ABCC3: variants seen among roughly 807,000 people sequenced by gnomAD.
ABCC3 encodes ATP-binding cassette sub-family C member 3.
Under a neutral mutation model 165.3 loss-of-function variants are expected in ABCC3, and 121 were observed. That is an observed-to-expected ratio of 0.73 (90% confidence interval 0.63 to 0.85). The LOEUF is 0.85. Among genes scored for constraint, ABCC3 ranks in the 40% least tolerant of loss-of-function variants. ABCC3 has a pLI of 0.00. For synonymous variants in ABCC3, 733 were observed against 810.1 expected (o/e 0.90, Z 1.62); for missense variants, 1,869 against 1,964.1 (o/e 0.95, Z 0.92).
intron 19 of ABCC3, among the ~76,000 whole-genome samples, chr17:50,673,983 T>TTCCTTCCTTCCTTCCTTC (rs1967728136): frequency 2.0e-4 from 1 of 4,954 alleles, no homozygotes; most frequent in African/African-American, 1.2e-3. Flanking sequence ...TTTCTTTCTC[T>TTCCTTCCTTCCTTCCTTC]CTCTCTCTCT....
At chr17:50,636,986 C>T (rs1353176107) in intron 1 of ABCC3, among the ~76,000 whole-genome samples, 1 of 152,212 alleles carries the variant, frequency 6.6e-6, no homozygotes, top group Non-Finnish European at 1.5e-5. Flanking sequence ...TACAGGGTTG[C>T]CATTGCCTGG....
intron 30 of ABCC3, among the ~76,000 whole-genome samples, chr17:50,690,496 C>A (rs1310933950): frequency 6.6e-6 from 1 of 152,166 alleles, no homozygotes; most frequent in Non-Finnish European, 1.5e-5. Context: ...CCCCTCCTGC[C>A]GTACCCTGGT....
intron 26 of ABCC3, among the ~76,000 whole-genome samples, chr17:50,682,345 T>TAA (rs35507460): frequency 1.1e-3 from 150 of 131,564 alleles, no homozygotes; most frequent in East Asian, 9.7e-3. Flanking sequence ...CCAAGAGATT[T>TAA]AAAAAAAAAA....
intron 8 of ABCC3, chr17:50,662,265 TGGA>T (rs1238228571): frequency 6.6e-6 from 1 of 150,780 alleles, no homozygotes; most frequent in Non-Finnish European, 1.5e-5. Flanking sequence ...CCTGGGTAAC[TGGA>T]GGACGATGGA....
intron 1 of ABCC3, among the ~76,000 whole-genome samples, chr17:50,640,196 A>C (rs2054215240): frequency 1.3e-5 from 2 of 152,200 alleles, no homozygotes; most frequent in African/African-American, 4.8e-5. Flanking sequence ...GTGATATGAG[A>C]ATGGGCTGCA....
intron 1 of ABCC3, among the ~76,000 whole-genome samples, chr17:50,641,918 A>G (rs558051104): frequency 1.3e-5 from 2 of 152,052 alleles, no homozygotes; most frequent in East Asian, 3.9e-4. Context: ...GTGGTGGCAC[A>G]TGCCTGTAGT....
chr17:50,635,889 A>C, intron 1 of ABCC3: 1 of 303,426 alleles, frequency 3.3e-6, no homozygotes, highest in East Asian at 5.9e-5. Flanking sequence ...TCTCTAAAAA[A>C]ATAAATAAAT....
chr17:50,671,968 C>CACCTCG (rs1225719093), intron 17 of ABCC3, among the ~76,000 whole-genome samples: 2 of 151,928 alleles, frequency 1.3e-5, no homozygotes, highest in Non-Finnish European at 2.9e-5. Flanking sequence ...ATGATCCACC[C>CACCTCG]ACCTCGACCT....
At chr17:50,656,862 G>T (rs747818190) in intron 3 of ABCC3, 35 bp downstream of exon 3, 1 of 1,584,056 alleles carries the variant, frequency 6.3e-7, no homozygotes, top group Non-Finnish European at 8.6e-7. Flanking sequence ...GGATGGGGGA[G>T]GTCTCCATTG....
intron 1 of ABCC3, among the ~76,000 whole-genome samples, chr17:50,642,177 C>T (rs1966905019): frequency 6.6e-6 from 1 of 152,202 alleles, no homozygotes; most frequent in Non-Finnish European, 1.5e-5. Flanking sequence ...ACTGCCATCC[C>T]CGGGCCAGGC....
chr17:50,666,674 A>T (rs1967533021), intron 11 of ABCC3, among the ~76,000 whole-genome samples: 1 of 152,212 alleles, frequency 6.6e-6, no homozygotes, highest in Admixed American at 6.5e-5. Context: ...CAGCTGTATC[A>T]TGGCAGGGGC....
intron 11 of ABCC3, among the ~76,000 whole-genome samples, chr17:50,666,683 G>A (rs182056702): frequency 5.3e-5 from 8 of 152,330 alleles, no homozygotes; most frequent in African/African-American, 1.7e-4. Context: ...CATGGCAGGG[G>A]CCTTGTCTGA....
Position 50,678,154 on chromosome 17 carries a change from G to A in ABCC3, c.3640G>A (p.Ala1214Thr), listed in dbSNP as rs1277013024. 6.4e-7 allele frequency: 1 copy of A among 1,556,590 alleles called. No individual in the cohort carries two copies. Among genetic ancestry groups the A allele is most frequent in the Non-Finnish European group, 8.7e-7 (1 of 1,151,398 alleles). The change falls in exon 25 of 31, where the codon GCC (alanine) becomes ACC (threonine). Residue 1214 changes from alanine (A) to threonine (T), a missense_variant. Ala to Thr is a moderately conservative substitution (Grantham distance 58, BLOSUM62 0). Coordinates refer to ENST00000285238, the MANE Select transcript of ABCC3 (RefSeq NM_003786.4). ...CGTGGTGCTCTTTGCTGCACTATTTGCCGTCATCGGGAGGAGCAGCCTGAA... is the reference window on the plus strand; with the variant it reads ...CGTGGTGCTCTTTGCTGCACTATTTACCGTCATCGGGAGGAGCAGCCTGAA... ...NCVVLFAALFAVIGRSSLNPG... is the reference protein window; with the variant it reads ...NCVVLFAALFTVIGRSSLNPG...
At chr17:50,644,647 G>C (rs1941415813) in intron 1 of ABCC3, among the ~76,000 whole-genome samples, 1 of 152,166 alleles carries the variant, frequency 6.6e-6, no homozygotes, top group Admixed American at 6.5e-5. Context: ...TGGAGGCACA[G>C]GTTGCAGAGA....
In ABCC3 at chr17:50,634,913, TC is replaced by T; in HGVS notation, c.-22del. ...CCGCTGGGTCCGACCGCGCTCGCCT[TC>T]CTTGCAGCCGCGCCTCGGCCCCATG... On this transcript the variant is annotated 5_prime_UTR_variant, in exon 1 of 31. Transcript: ENST00000285238. 8.0e-7 allele frequency: 1 copy of T among 1,253,638 alleles called. No homozygotes were observed. The highest frequency in any genetic ancestry group is 3.2e-5 in the South Asian group (1 of 30,776). 77.7% of individuals were successfully genotyped at this position (1,253,638 alleles called of 1,614,324 possible).
In ABCC3 at chr17:50,643,115, G is replaced by A. The variant is rs1270520392; in HGVS notation, c.45+8134G>A. Among the ~76,000 whole-genome samples, 7 of 152,254 alleles carry A rather than the reference G, an allele frequency of 4.6e-5. 1 individual carries two copies. The East Asian group carries it at 1.3e-3, about 29-fold the overall frequency. Reference sequence around the variant, plus strand: ...TGGCTGCCAGGGAAAAGCAAGGAAAGGTCAGAGGCTGGGGTGCCCCAGAGA... The same window carrying A: ...TGGCTGCCAGGGAAAAGCAAGGAAAAGTCAGAGGCTGGGGTGCCCCAGAGA... On this transcript the variant is annotated intron_variant, in intron 1 of 30. Coordinates refer to ENST00000285238, the MANE Select transcript of ABCC3 (RefSeq NM_003786.4).
At chr17:50,670,587 A>G (rs1363333454) in intron 17 of ABCC3, among the ~76,000 whole-genome samples, 1 of 152,250 alleles carries the variant, frequency 6.6e-6, no homozygotes, top group Non-Finnish European at 1.5e-5. Context: ...AGTAAGATAA[A>G]TAAGTACAAT....
Position 50,675,930 on chromosome 17 carries a change from T to TA in ABCC3, c.2908dup (p.Thr970AsnfsTer29). On this transcript the variant is annotated frameshift_variant, in exon 22 of 31. Transcript: ENST00000285238. LOFTEE classifies it high-confidence loss of function. ...ATTATGCCAAGGCCGTGGGGCTCTGTACCACGCTGGCCATCTGTCTCCTGT... is the reference window on the plus strand; with the variant it reads ...ATTATGCCAAGGCCGTGGGGCTCTGTAACCACGCTGGCCATCTGTCTCCTGT... 2 of 1,614,164 alleles carry TA rather than the reference T, an allele frequency of 1.2e-6. No homozygotes were observed. Among genetic ancestry groups the TA allele is most frequent in the Non-Finnish European group, 1.7e-6 (2 of 1,180,028 alleles).
At chr17:50,687,763 T>C in intron 30 of ABCC3, 33 bp downstream of exon 30, 1 of 1,600,862 alleles carries the variant, frequency 6.2e-7, no homozygotes, top group Non-Finnish European at 8.6e-7. Context: ...ATGGGGAACC[T>C]GGTGGGGCCA....
Sources: gnomAD v4.1 joint callset for allele counts (sites outside exome capture counted in the v4.1 genomes callset) on GRCh38, gnomAD v4.1.1 for gene constraint, MANE v1.5 for transcripts, NCBI Gene and HGNC (gene_info 2026-07-23, HGNC 2026-07-21) for gene names.